Variants in ANGEL1 observed in about 807,000 individuals in gnomAD.
ANGEL1 encodes RNA 2',3'-cyclic phosphatase ANGEL1.
ANGEL1 carries 62 observed loss-of-function variants against 76.4 expected under a neutral mutation model. The observed-to-expected ratio is 0.81, with a 90% CI of 0.66 to 1.00. The LOEUF (loss-of-function observed/expected upper bound fraction) is 1.00, where lower values mean the gene tolerates loss of function less well. Ranked by LOEUF, ANGEL1 falls within the 50% of genes least tolerant of loss-of-function variation. The probability of loss-of-function intolerance (pLI) is 0.00; values close to 1 mark genes in which losing one functional copy is unlikely to be tolerated. For missense variants in ANGEL1, 737 were observed against 836.7 expected, an observed-to-expected ratio of 0.88 and a Z score of 1.47; for synonymous variants, 340 against 331.7, an observed-to-expected ratio of 1.03 and a Z score of -0.27.
intron 8 of ANGEL1, 90 bp downstream of exon 8, chr14:76,791,207 C>T (rs1894395818): frequency 7.1e-7 from 1 of 1,411,718 alleles, no homozygotes; most frequent in Non-Finnish European, 1.0e-6. Context: ...AGTGCTCCCC[C>T]AAGTCAACCT....
chr14:76,793,285 C>G (rs553915862), intron 7 of ANGEL1, among the ~76,000 whole-genome samples: 4 of 147,058 alleles, frequency 2.7e-5, no homozygotes, highest in Non-Finnish European at 6.0e-5. Context: ...GCAATACTTC[C>G]CTAGGCAACA....
At chr14:76,793,615 G>A (rs77617907) in intron 7 of ANGEL1, among the ~76,000 whole-genome samples, 8,744 of 140,014 alleles carry the variant, frequency 0.062, 465 homozygotes, top group Admixed American at 0.17. Context: ...AATTTCATAC[G>A]GGAATGCAAG....
Position 76,799,170 on chromosome 14 carries a change from T to A in ANGEL1, c.1618+4201A>T, listed in dbSNP as rs949127975. On this transcript the variant is annotated intron_variant, in intron 7 of 9. Coordinates refer to ENST00000251089, the MANE Select transcript of ANGEL1 (RefSeq NM_015305.4). The stretch of plus-strand genomic sequence containing the variant: ...TCATGGTTTGAAATGCACAGTTGGG[T>A]TGGATGATTCTGGTACTGAACTGGA... Among the ~76,000 whole-genome samples the A allele has an allele frequency of 1.2e-4, 18 of 151,932 alleles. 1 individual carries two copies. The South Asian group carries it at 3.7e-3, about 32-fold the overall frequency.
rs1192754639 is a variant in ANGEL1 at position 76,787,660 on chromosome 14, T to C, written c.*1568A>G. ...CAGCAGCACAATGCAAACTGGGTCT[T>C]TGGCTTTCAAAAAAAGGAAAGAACC... On this transcript the variant is annotated 3_prime_UTR_variant, in exon 10 of 10. Transcript: ENST00000251089. 1 of 152,566 alleles carries C rather than the reference T, an allele frequency of 6.6e-6. No homozygotes were observed. The highest frequency in any genetic ancestry group is 2.4e-5 in the African/African-American group (1 of 41,444). The allele number at this position is 152,566 out of a possible 1,614,324, so 9.5% of individuals were successfully genotyped here.
At chr14:76,791,843 T>G (rs746015701) in intron 7 of ANGEL1, among the ~76,000 whole-genome samples, 2 of 152,100 alleles carry the variant, frequency 1.3e-5, no homozygotes, top group East Asian at 3.8e-4. Flanking sequence ...TACATACATA[T>G]TACATATATG....
chr14:76,805,725 A>G (rs1894899762), intron 5 of ANGEL1, among the ~76,000 whole-genome samples: 1 of 152,256 alleles, frequency 6.6e-6, no homozygotes, highest in Non-Finnish European at 1.5e-5. Context: ...TAAAACACAC[A>G]TGGTAGATTA....
Position 76,806,651 on chromosome 14 carries a change from G to C in ANGEL1, c.1145C>G (p.Ser382Trp), listed in dbSNP as rs370876261. Residue 382 changes from serine (S) to tryptophan (W), a missense_variant, in exon 5 of 10, where the codon TCG becomes TGG. By Grantham distance (177) the Ser-to-Trp change is radical (BLOSUM62 -3). Around this residue, in one of 2 missense-constraint regions of ANGEL1, gnomAD observed 296 missense variants for 387.2 expected, o/e 0.76. Coordinates refer to ENST00000251089, the MANE Select transcript of ANGEL1 (RefSeq NM_015305.4). ...PLVPEGLGQV[S>W]VAPLCVANTH... ...ATTTGCCACACACAGCGGGGCCACC[G>C]AGACTTGTCCCAGGCCTTCTGGGAC... 1 of 1,613,978 alleles carries C rather than the reference G, an allele frequency of 6.2e-7. No homozygotes were observed.
In ANGEL1 at chr14:76,812,772, G is replaced by C; in HGVS notation, c.56C>G (p.Ala19Gly). ...GTACGCCTGGCCGGTACCTGAGAGG[G>C]CGCGGAAGAGGCGCGTGGCCGGCAG... ...LLLPATRLFR[A>G]LSDAFFTCRK... The change falls in exon 1 of 10, where the codon GCC becomes GGC. Residue 19 changes from alanine (A) to glycine (G), a missense_variant. This residue lies in a region of ANGEL1 where 441 missense variants were observed against 449.5 expected (regional missense o/e 0.98). Coordinates refer to ENST00000251089, the MANE Select transcript of ANGEL1 (RefSeq NM_015305.4). 6.6e-7 allele frequency: 1 copy of C among 1,522,616 alleles called. No homozygotes were observed. The highest frequency in any genetic ancestry group is 8.8e-7 in the Non-Finnish European group (1 of 1,140,012). The allele number at this position is 1,522,616 out of a possible 1,614,324, so 94.3% of individuals were successfully genotyped here.
Position 76,791,350 on chromosome 14 carries a change from C to G in ANGEL1, c.1635G>C (p.Trp545Cys). Reference protein sequence around the residue: ...TDTKPERPAGWAESVLEEDAS... With the variant: ...TDTKPERPAGCAESVLEEDAS... The stretch of plus-strand genomic sequence containing the variant: ...CATCTTCCTCAAGGACAGACTCAGC[C>G]CAACCCGCAGGTCGCTCTGCAGAGG... Residue 545 changes from tryptophan (W) to cysteine (C), a missense_variant, in exon 8 of 10, where the codon TGG becomes TGC. By Grantham distance (215) the Trp-to-Cys change is radical. Coordinates refer to ENST00000251089, the MANE Select transcript of ANGEL1 (RefSeq NM_015305.4). 6.2e-7 allele frequency: 1 copy of G among 1,613,988 alleles called. No individual in the cohort carries two copies. The highest frequency in any genetic ancestry group is 1.3e-5 in the African/African-American group (1 of 75,006).
chr14:76,807,897 A>T (rs1305173505), intron 3 of ANGEL1, 25 bp downstream of exon 3: 2 of 1,611,292 alleles, frequency 1.2e-6, no homozygotes, highest in South Asian at 2.2e-5. Flanking sequence ...ACAATGCAAG[A>T]TGGCAATTCC....
chr14:76,809,230 C>A lies in ANGEL1; in HGVS notation c.478G>T (p.Asp160Tyr). Residue 160 changes from aspartate (D) to tyrosine (Y), a missense_variant, in exon 2 of 10, where the codon GAC becomes TAC. By Grantham distance (160) the Asp-to-Tyr change is radical (BLOSUM62 -3). Around this residue, in one of 2 missense-constraint regions of ANGEL1, gnomAD observed 441 missense variants for 449.5 expected, o/e 0.98. Coordinates refer to ENST00000251089, the MANE Select transcript of ANGEL1 (RefSeq NM_015305.4). ...IPMQSEPQYA[D>Y]CAALPVGALA... ...GCACCCACTGGGAGGGCAGCACAGT[C>A]TGCATACTGGGGCTCCGACTGCATG... The A allele has an allele frequency of 6.2e-7, 1 of 1,613,222 alleles. No individual in the cohort carries two copies.
In ANGEL1 at chr14:76,808,142, A is replaced by C; in HGVS notation, c.656T>G (p.Leu219Trp). The C allele has an allele frequency of 6.2e-7, 1 of 1,613,470 alleles. No individual in the cohort carries two copies. The highest frequency in any genetic ancestry group is 8.5e-7 in the Non-Finnish European group (1 of 1,179,908). ...PAVEIPYHEI[L>W]WREWEDFSTQ... ...GGAGAAATCCTCCCATTCTCGCCAC[A>C]AAATTTCTGCAAAGGATTGGGAGAA... The change falls in exon 3 of 10, where the codon TTG (leucine) becomes TGG (tryptophan). Residue 219 changes from leucine (L) to tryptophan (W), a missense_variant. Leu to Trp is a moderately conservative substitution (Grantham distance 61). This residue lies in a region of ANGEL1 where 441 missense variants were observed against 449.5 expected (regional missense o/e 0.98). Transcript: ENST00000251089.
At chr14:76,789,534 G>C (rs1041760274) in intron 9 of ANGEL1, 146 bp from the exon 10 acceptor site, 1 of 812,514 alleles carries the variant, frequency 1.2e-6, no homozygotes, top group African/African-American at 1.7e-5. Flanking sequence ...GCAGCATCTG[G>C]CTGAGGAGGC....
chr14:76,795,962 T>C (rs890397060), intron 7 of ANGEL1, among the ~76,000 whole-genome samples: 1 of 152,202 alleles, frequency 6.6e-6, no homozygotes, highest in Non-Finnish European at 1.5e-5. Flanking sequence ...ATTATTTCCA[T>C]TTGAATCTTC....
chr14:76,810,909 G>A (rs1050881173), intron 1 of ANGEL1, among the ~76,000 whole-genome samples: 2 of 152,190 alleles, frequency 1.3e-5, no homozygotes, highest in Admixed American at 6.5e-5. Flanking sequence ...TAACATGCAC[G>A]ATGCTGGCCC....
At chr14:76,803,307 T>C in intron 7 of ANGEL1, 64 bp downstream of exon 7, 4 of 1,331,096 alleles carry the variant, frequency 3.0e-6, no homozygotes, top group Non-Finnish European at 4.3e-6. Context: ...GGAAACCACA[T>C]AACTGACCAA....
chr14:76,806,614 A>G lies in ANGEL1; in HGVS notation c.1182T>C (p.Leu394=). Residue 394 remains leucine (L), a synonymous_variant, in exon 5 of 10, where the codon CTT becomes CTC. Transcript: ENST00000251089. ...APLCVANTHI[L]YNPRRGDVKL... is the part of the protein sequence containing the mutation. ...TGACATCGCCCCGGCGTGGGTTGTA[A>G]AGGATATGGGTATTTGCCACACACA... The G allele has an allele frequency of 6.2e-7, 1 of 1,614,080 alleles. No individual in the cohort carries two copies. The highest frequency in any genetic ancestry group is 8.5e-7 in the Non-Finnish European group (1 of 1,180,000).
chr14:76,800,829 C>T (rs563354784), intron 7 of ANGEL1, among the ~76,000 whole-genome samples: 1 of 152,024 alleles, frequency 6.6e-6, no homozygotes, highest in Non-Finnish European at 1.5e-5. Flanking sequence ...AAAAATTAGC[C>T]GTGCATGCTG....
Position 76,791,323 on chromosome 14 carries a change from T to C in ANGEL1, c.1662A>G (p.Ala554=), listed in dbSNP as rs758529439. The C allele has an allele frequency of 5.6e-6, 9 of 1,614,016 alleles. No homozygotes were observed. In the Admixed American group the frequency reaches 8.3e-5, roughly 15 times the overall value. ...TGGAGAAGGCAGGCTCAAGCTCCGA[T>C]GCATCTTCCTCAAGGACAGACTCAG... is the stretch of plus-strand genomic sequence containing the variant. ...GWAESVLEED[A]SELEPAFSRT... Residue 554 remains alanine (A), a synonymous_variant, in exon 8 of 10, where the codon GCA becomes GCG. Transcript: ENST00000251089.
Sources: allele counts gnomAD v4.1 joint callset (sites outside exome capture counted in the v4.1 genomes callset), GRCh38; gene constraint gnomAD v4.1.1; regional missense constraint gnomAD v4.1.1; transcripts MANE v1.5; gene names NCBI Gene and HGNC (gene_info 2026-07-23, HGNC 2026-07-21).